The following MTSS1 variants were observed in gnomAD, a reference collection of about 807,000 sequenced individuals.
MTSS1 encodes the protein protein MTSS 1.
Under a neutral mutation model 79.0 loss-of-function variants are expected in MTSS1, and 18 were observed. The ratio of observed to expected loss-of-function variants is 0.23; its 90% confidence interval spans 0.16 to 0.34. MTSS1 has a LOEUF of 0.34. Ranked by LOEUF, MTSS1 falls within the 10% of genes least tolerant of loss-of-function variation. MTSS1 has a pLI of 1.00. For missense variants in MTSS1, 815 were observed against 986.2 expected (o/e 0.83, Z 2.33); for synonymous variants, 341 against 368.6 (o/e 0.93, Z 0.86).
chr8:124,646,503 G>GC (rs1457118601), intron 3 of MTSS1, among the ~76,000 whole-genome samples: 1 of 152,098 alleles, frequency 6.6e-6, no homozygotes, highest in Admixed American at 6.5e-5. Flanking sequence ...ACTTTTAAAA[G>GC]CAAGTTATAT....
At chr8:124,580,492 A>G in intron 6 of MTSS1, 1 of 1,528,522 alleles carries the variant, frequency 6.5e-7, no homozygotes, top group Non-Finnish European at 8.8e-7. Context: ...AACCACGGAA[A>G]GCCCACAGCA....
At chr8:124,706,404 A>T (rs191881604) in intron 1 of MTSS1, among the ~76,000 whole-genome samples, 2 of 152,242 alleles carry the variant, frequency 1.3e-5, no homozygotes, top group African/African-American at 2.4e-5. Flanking sequence ...CGTAAGATCA[A>T]ATTAGAGGTT....
At chr8:124,625,544 C>T (rs1271633681) in intron 3 of MTSS1, among the ~76,000 whole-genome samples, 2 of 152,180 alleles carry the variant, frequency 1.3e-5, no homozygotes, top group South Asian at 2.1e-4. Flanking sequence ...CCAACACAGG[C>T]GGCTTTCATG....
chr8:124,712,196 A>G (rs532451608), intron 1 of MTSS1, among the ~76,000 whole-genome samples: 1 of 152,066 alleles, frequency 6.6e-6, no homozygotes, highest in African/African-American at 2.4e-5. Context: ...CAGTAGAGTC[A>G]ATCTGGGAGG....
chr8:124,669,795 A>C (rs1196022736), intron 3 of MTSS1, among the ~76,000 whole-genome samples: 4 of 152,234 alleles, frequency 2.6e-5, no homozygotes, highest in African/African-American at 9.6e-5. Context: ...GGTAAAAGAA[A>C]GTGGATAGCT....
At chr8:124,720,463 A>C (rs6470262) in intron 1 of MTSS1, among the ~76,000 whole-genome samples, 104,799 of 152,038 alleles carry the variant, frequency 0.69, 36,525 homozygotes, top group Admixed American at 0.78. Context: ...GGAAAAGATG[A>C]CCCTAATAAA....
At chr8:124,619,856 G>A (rs909115007) in intron 3 of MTSS1, among the ~76,000 whole-genome samples, 5 of 152,170 alleles carry the variant, frequency 3.3e-5, no homozygotes, top group East Asian at 1.9e-4. Flanking sequence ...TGGCAGATGC[G>A]GTTCCCTTTA....
intron 6 of MTSS1, among the ~76,000 whole-genome samples, chr8:124,570,879 G>A (rs1827633401): frequency 6.6e-6 from 1 of 151,792 alleles, no homozygotes; most frequent in Non-Finnish European, 1.5e-5. Flanking sequence ...TTGCTTTATT[G>A]GCCAGACGGT....
intron 3 of MTSS1, among the ~76,000 whole-genome samples, chr8:124,677,894 T>G (rs1825562469): frequency 6.6e-6 from 1 of 152,240 alleles, no homozygotes. Flanking sequence ...AAATGTTTCA[T>G]TCCTTTCTCT....
chr8:124,630,663 C>T (rs1815746101), intron 3 of MTSS1, among the ~76,000 whole-genome samples: 1 of 152,216 alleles, frequency 6.6e-6, no homozygotes, highest in African/African-American at 2.4e-5. Flanking sequence ...TTCTATGTGA[C>T]CTACAATGAG....
At chr8:124,568,789 T>G (rs1827117918) in intron 6 of MTSS1, 1 of 1,448,222 alleles carries the variant, frequency 6.9e-7, no homozygotes, top group South Asian at 1.5e-5. Flanking sequence ...CAACTCTTCA[T>G]GACTTGCCTT....
intron 3 of MTSS1, among the ~76,000 whole-genome samples, chr8:124,641,223 G>A (rs969155304): frequency 3.9e-5 from 6 of 152,132 alleles, no homozygotes; most frequent in Non-Finnish European, 8.8e-5. Context: ...CAGTCACTTT[G>A]GCCAGCAGGC....
intron 3 of MTSS1, among the ~76,000 whole-genome samples, chr8:124,671,397 T>A (rs1250419748): frequency 6.6e-6 from 1 of 152,130 alleles, no homozygotes; most frequent in African/African-American, 2.4e-5. Context: ...TAGACTGTCC[T>A]CCCTCTTTCC....
chr8:124,685,168 A>AC (rs34605559), intron 3 of MTSS1, among the ~76,000 whole-genome samples: 89,287 of 152,088 alleles, frequency 0.59, 26,371 homozygotes, highest in African/African-American at 0.61. Flanking sequence ...CATCTCCAGA[A>AC]CTTTTCATCA....
intron 2 of MTSS1, among the ~76,000 whole-genome samples, chr8:124,703,805 A>C (rs189835234): frequency 1.3e-5 from 2 of 152,348 alleles, no homozygotes; most frequent in African/African-American, 4.8e-5. Context: ...ATGAGATTTA[A>C]ACAAGTTAAC....
intron 3 of MTSS1, among the ~76,000 whole-genome samples, chr8:124,694,791 A>G (rs774480701): frequency 5.9e-5 from 9 of 152,196 alleles, no homozygotes; most frequent in Non-Finnish European, 1.2e-4. Flanking sequence ...ACCCTGCTCC[A>G]CAAAGCCTCG....
At chr8:124,596,448 A>C (rs1256794624) in intron 3 of MTSS1, among the ~76,000 whole-genome samples, 2 of 152,244 alleles carry the variant, frequency 1.3e-5, no homozygotes, top group African/African-American at 4.8e-5. Context: ...AAAATCAGCC[A>C]GTATGATCTG....
chr8:124,606,590 T>C (rs1834927552), intron 3 of MTSS1, among the ~76,000 whole-genome samples: 1 of 152,184 alleles, frequency 6.6e-6, no homozygotes, highest in South Asian at 2.1e-4. Flanking sequence ...CACTCCATTC[T>C]TGGGGGCATC....
chr8:124,692,368 T>C (rs1828083427), intron 3 of MTSS1, among the ~76,000 whole-genome samples: 1 of 139,120 alleles, frequency 7.2e-6, no homozygotes, highest in South Asian at 2.4e-4. Flanking sequence ...TGCATCAATC[T>C]TTTTAAAAAG....
Sources: allele counts gnomAD v4.1 joint callset (sites outside exome capture counted in the v4.1 genomes callset), GRCh38; gene constraint gnomAD v4.1.1; transcripts MANE v1.5; gene names NCBI Gene and HGNC (gene_info 2026-07-23, HGNC 2026-07-21).